PTPRD: variants seen among roughly 807,000 people sequenced by gnomAD.
PTPRD encodes the protein receptor-type tyrosine-protein phosphatase delta.
A neutral mutation model predicts 214.5 loss-of-function variants in PTPRD; 34 were observed. The ratio of observed to expected loss-of-function variants is 0.16; its 90% CI spans 0.12 to 0.21. The LOEUF is 0.21. PTPRD is among the 10% of genes least tolerant of loss of function. The pLI, the probability that PTPRD is intolerant of heterozygous loss-of-function variation, is 1.00. For missense variants in PTPRD, 2,545 were observed against 2,398.7 expected, an observed-to-expected ratio of 1.06 and a Z score of -1.27; for synonymous variants, 1,128 against 845.7, an observed-to-expected ratio of 1.33 and a Z score of -5.79.
intron 8 of PTPRD, among the ~76,000 whole-genome samples, chr9:9,454,331 T>C (rs2092685536): frequency 6.6e-6 from 1 of 151,756 alleles, no homozygotes; most frequent in Non-Finnish European, 1.5e-5. Flanking sequence ...GGACATGGAA[T>C]TGGGAAGACA....
intron 4 of PTPRD, among the ~76,000 whole-genome samples, chr9:10,004,463 T>G (rs2096419269): frequency 6.6e-6 from 1 of 152,020 alleles, no homozygotes; most frequent in African/African-American, 2.4e-5. Flanking sequence ...TCACATCATT[T>G]TCTTTTCTTT....
At chr9:8,487,209 T>C (rs754509598) in intron 27 of PTPRD, among the ~76,000 whole-genome samples, 3 of 152,180 alleles carry the variant, frequency 2.0e-5, no homozygotes, top group East Asian at 1.9e-4. Flanking sequence ...ATATTAACCA[T>C]AATTATTAAT....
chr9:9,933,876 A>T (rs1286810029), intron 5 of PTPRD, among the ~76,000 whole-genome samples: 2 of 148,858 alleles, frequency 1.3e-5, no homozygotes, highest in Admixed American at 6.6e-5. Context: ...ATAACAAACT[A>T]TCTCTCAGAC....
Position 8,933,339 on chromosome 9 carries a change from GGT to G in PTPRD, c.-104+85356_-104+85357del, listed in dbSNP as rs1491114511. On this transcript the variant is annotated intron_variant, in intron 11 of 45. Transcript: ENST00000381196. ...GCCATCTTGCCAGCCACAACCTTGA[GGT>G]TTTTTTTTTTTTTTTTTTTTTTACA... 2.0e-3 allele frequency among the ~76,000 whole-genome samples: 138 copies of G among 68,800 alleles called. 3 individuals carry two copies. The highest frequency in any genetic ancestry group is 0.013 in the African/African-American group (129 of 9,946). The allele number at this position is 68,800 out of a possible 152,430, so 45.1% of individuals were successfully genotyped here.
chr9:9,056,331 C>G (rs1037755660), intron 10 of PTPRD, among the ~76,000 whole-genome samples: 1 of 152,170 alleles, frequency 6.6e-6, no homozygotes, highest in South Asian at 2.1e-4. Flanking sequence ...AACCTGCATC[C>G]TCAAATGAAG....
chr9:9,420,616 T>C (rs531567159), intron 8 of PTPRD, among the ~76,000 whole-genome samples: 5 of 151,982 alleles, frequency 3.3e-5, no homozygotes, highest in African/African-American at 9.7e-5. Context: ...GAATGTTTAA[T>C]GCAAGCTTCT....
chr9:9,936,082 A>G (rs1475740284), intron 5 of PTPRD, among the ~76,000 whole-genome samples: 2 of 147,124 alleles, frequency 1.4e-5, no homozygotes, highest in Non-Finnish European at 2.9e-5. Flanking sequence ...TCAATTCAAG[A>G]TGGATTAAAG....
intron 2 of PTPRD, among the ~76,000 whole-genome samples, chr9:10,583,876 T>G (rs781060649): frequency 6.6e-6 from 1 of 152,152 alleles, no homozygotes; most frequent in Non-Finnish European, 1.5e-5. Context: ...CATTAAATAA[T>G]GTCAAAGCAC....
chr9:8,444,342 C>G (rs569484466), intron 34 of PTPRD, among the ~76,000 whole-genome samples: 1 of 152,202 alleles, frequency 6.6e-6, no homozygotes, highest in Admixed American at 6.5e-5. Context: ...AATGTCACAA[C>G]AGCAAATTGT....
chr9:8,751,144 C>T lies in PTPRD; in HGVS notation c.-103-17198G>A, dbSNP rs566845281. Among the ~76,000 whole-genome samples the T allele has an allele frequency of 2.0e-5, 3 of 152,254 alleles. No homozygotes were observed. The East Asian group carries it at 5.8e-4, about 29-fold the overall frequency. On this transcript the variant is annotated intron_variant, in intron 11 of 45. Coordinates refer to ENST00000381196, the MANE Select transcript of PTPRD (RefSeq NM_002839.4). Reference sequence around the variant, plus strand: ...TCGCTTTTTAATGTTTTCAGCTGCCCTTCTCTGTTCCTACACAGCAACCTG... The same window carrying T: ...TCGCTTTTTAATGTTTTCAGCTGCCTTTCTCTGTTCCTACACAGCAACCTG...
At chr9:10,576,152 A>G (rs574923013) in intron 2 of PTPRD, among the ~76,000 whole-genome samples, 3 of 152,296 alleles carry the variant, frequency 2.0e-5, no homozygotes, top group African/African-American at 7.2e-5. Context: ...ATGCATTTTA[A>G]CATTGCATTT....
chr9:9,502,862 C>G (rs962552639), intron 8 of PTPRD, among the ~76,000 whole-genome samples: 5 of 151,888 alleles, frequency 3.3e-5, no homozygotes, highest in African/African-American at 1.2e-4. Context: ...ATGTGACATT[C>G]TCCAACAGAC....
intron 7 of PTPRD, among the ~76,000 whole-genome samples, chr9:9,579,430 T>C (rs984752494): frequency 2.0e-5 from 3 of 152,148 alleles, no homozygotes; most frequent in Non-Finnish European, 4.4e-5. Flanking sequence ...TTTAAAATAA[T>C]TATTTTAATT....
At chr9:10,433,700 G>C (rs537056686) in intron 2 of PTPRD, among the ~76,000 whole-genome samples, 1 of 151,812 alleles carries the variant, frequency 6.6e-6, no homozygotes, top group African/African-American at 2.4e-5. Context: ...TATAATTAAT[G>C]TTCAAAACTA....
chr9:9,084,312 A>C (rs1033551882), intron 10 of PTPRD, among the ~76,000 whole-genome samples: 42 of 152,316 alleles, frequency 2.8e-4, no homozygotes, highest in African/African-American at 9.9e-4. Context: ...ACAGAAAACC[A>C]AACACCGCAT....
chr9:9,702,682 A>G (rs761209493), intron 7 of PTPRD, among the ~76,000 whole-genome samples: 5 of 152,196 alleles, frequency 3.3e-5, no homozygotes, highest in Non-Finnish European at 5.9e-5. Context: ...CTTATGGAGG[A>G]AAAGTGGAGA....
chr9:8,838,352 C>A (rs548178832), intron 11 of PTPRD, among the ~76,000 whole-genome samples: 9 of 151,956 alleles, frequency 5.9e-5, no homozygotes, highest in Non-Finnish European at 1.2e-4. Flanking sequence ...TATTTAGAAC[C>A]TTGCCTTATA....
At chr9:10,594,675 C>T (rs916795566) in intron 2 of PTPRD, among the ~76,000 whole-genome samples, 2 of 151,960 alleles carry the variant, frequency 1.3e-5, no homozygotes, top group East Asian at 3.9e-4. Flanking sequence ...CACCATCCAT[C>T]GAATGAGAGA....
At chr9:8,847,615 G>A (rs967331104) in intron 11 of PTPRD, among the ~76,000 whole-genome samples, 8 of 152,040 alleles carry the variant, frequency 5.3e-5, no homozygotes, top group Non-Finnish European at 1.2e-4. Context: ...GTACCTTCTT[G>A]TCAGAGAAAA....
Sources: allele counts gnomAD v4.1 joint callset (sites outside exome capture counted in the v4.1 genomes callset), GRCh38; gene constraint gnomAD v4.1.1; transcripts MANE v1.5; gene names NCBI Gene and HGNC (gene_info 2026-07-23, HGNC 2026-07-21).